Variants in DENND6A observed in about 807,000 individuals in gnomAD.
DENND6A encodes the protein DENN domain containing 6A.
In DENND6A, 43 loss-of-function variants were observed where a neutral mutation model predicts 95.5. The observed-to-expected ratio is 0.45, with a 90% CI of 0.35 to 0.58. The LOEUF (loss-of-function observed/expected upper bound fraction) is 0.58. Among genes scored for constraint, DENND6A ranks in the 20% least tolerant of loss-of-function variants. DENND6A has a pLI of 0.00. For synonymous variants in DENND6A, 257 were observed against 260.4 expected (o/e 0.99, Z 0.13); for missense variants, 574 against 736.0 (o/e 0.78, Z 2.55).
At chr3:57,660,036 GGTGCCTGAAGTTGT>G (rs2071393924) in intron 7 of DENND6A, among the ~76,000 whole-genome samples, 2 of 152,142 alleles carry the variant, frequency 1.3e-5, no homozygotes, top group East Asian at 3.8e-4. Context: ...TGAGATCAGA[GGTGCCTGAAGTTGT>G]GTGACTAATG....
chr3:57,672,914 G>A (rs970491386), intron 1 of DENND6A, among the ~76,000 whole-genome samples: 4 of 151,584 alleles, frequency 2.6e-5, no homozygotes, highest in Non-Finnish European at 4.4e-5. Context: ...TATACATAAT[G>A]GGATATTATT....
chr3:57,644,075 G>A (rs559634894), intron 11 of DENND6A, among the ~76,000 whole-genome samples: 1 of 151,434 alleles, frequency 6.6e-6, no homozygotes, highest in East Asian at 1.9e-4. Context: ...TCGTGAACCC[G>A]GGAGGCGGAG....
rs2070975990 is a variant in DENND6A, at chr3:57,642,761, TTGGGAAGGCCGAGG to T, written c.1038-1028_1038-1015del. On this transcript the variant is annotated intron_variant, in intron 11 of 19. Coordinates refer to ENST00000311128, the MANE Select transcript of DENND6A (RefSeq NM_152678.3). ...GGCTCACGCCTGTAATCCCAGCCCT[TTGGGAAGGCCGAGG>T]TGGGCAGATCACCTGAGGTCAGGAG... is the stretch of plus-strand genomic sequence containing the variant. Among the ~76,000 whole-genome samples, 5 of 151,990 alleles carry T rather than the reference TTGGGAAGGCCGAGG, an allele frequency of 3.3e-5. No individual in the cohort carries two copies. The East Asian group carries it at 9.7e-4, about 29-fold the overall frequency.
chr3:57,662,182 T>C (rs961092889), intron 5 of DENND6A, among the ~76,000 whole-genome samples: 5 of 122,252 alleles, frequency 4.1e-5, no homozygotes, highest in Middle Eastern at 3.9e-3. Flanking sequence ...TCTTTTCTTT[T>C]TTCTTTTTTT....
chr3:57,688,280 G>A (rs1357397476), intron 1 of DENND6A, among the ~76,000 whole-genome samples: 1 of 152,058 alleles, frequency 6.6e-6, no homozygotes, highest in Non-Finnish European at 1.5e-5. Flanking sequence ...ACAGGCATGA[G>A]CCACCACACT....
chr3:57,686,308 A>T (rs1284126999), intron 1 of DENND6A, among the ~76,000 whole-genome samples: 3 of 152,244 alleles, frequency 2.0e-5, no homozygotes. Context: ...AGTTTATATC[A>T]TAAAACCCAA....
At position 57,633,358 on chromosome 3, in the gene DENND6A, A is replaced by G. The variant is rs759643714; in HGVS notation, c.1264-4T>C. ...AAGGACGTTTCTGTTGTACACCCTT[A>G]AAAGAGGAAATAATGAGAATCTGTA... is the stretch of plus-strand genomic sequence containing the variant. On this transcript the variant is annotated splice_polypyrimidine_tract_variant and splice_region_variant and intron_variant, in intron 14 of 19. Coordinates refer to ENST00000311128, the MANE Select transcript of DENND6A (RefSeq NM_152678.3). The G allele has an allele frequency of 4.4e-6, 7 of 1,607,860 alleles. No individual in the cohort carries two copies. Among genetic ancestry groups the G allele is most frequent in the Non-Finnish European group, 6.0e-6 (7 of 1,176,388 alleles).
chr3:57,665,989 C>A, intron 4 of DENND6A, 134 bp downstream of exon 4: 1 of 579,192 alleles, frequency 1.7e-6, no homozygotes, highest in Non-Finnish European at 3.0e-6. Context: ...ATAAGACTCA[C>A]TTTGGAAATT....
intron 1 of DENND6A, among the ~76,000 whole-genome samples, chr3:57,689,174 C>A (rs1471197298): frequency 6.6e-6 from 1 of 151,828 alleles, no homozygotes; most frequent in African/African-American, 2.4e-5. Flanking sequence ...AGGGTGGTCT[C>A]GATCTCTTGA....
At chr3:57,671,307 G>A (rs935903911) in intron 3 of DENND6A, among the ~76,000 whole-genome samples, 20 of 152,090 alleles carry the variant, frequency 1.3e-4, no homozygotes, top group Admixed American at 2.0e-4. Flanking sequence ...GGCAGATCAC[G>A]AGGTCAAGAG....
intron 1 of DENND6A, among the ~76,000 whole-genome samples, chr3:57,687,387 G>C (rs1330230758): frequency 6.6e-6 from 1 of 152,200 alleles, no homozygotes; most frequent in Non-Finnish European, 1.5e-5. Context: ...AGAAAAGTTG[G>C]AAGCTAGCAG....
chr3:57,655,277 C>T (rs958474016), intron 9 of DENND6A, among the ~76,000 whole-genome samples: 3 of 152,206 alleles, frequency 2.0e-5, no homozygotes, highest in Non-Finnish European at 4.4e-5. Context: ...TCATGATCCG[C>T]CCGCCTCGGC....
chr3:57,682,624 T>C (rs2077176814), intron 1 of DENND6A, among the ~76,000 whole-genome samples: 2 of 152,176 alleles, frequency 1.3e-5, no homozygotes, highest in African/African-American at 2.4e-5. Flanking sequence ...AATTTTCACC[T>C]TCCACCAGAA....
At chr3:57,630,655 T>C (rs1242715511) in intron 17 of DENND6A, 60 bp downstream of exon 17, 13 of 1,563,028 alleles carry the variant, frequency 8.3e-6, no homozygotes, top group Middle Eastern at 1.7e-4. Context: ...AGTTTAGCTT[T>C]TTGTTTTGCT....
intron 18 of DENND6A, among the ~76,000 whole-genome samples, chr3:57,629,260 T>A (rs2070605332): frequency 6.6e-6 from 1 of 152,206 alleles, no homozygotes; most frequent in Non-Finnish European, 1.5e-5. Flanking sequence ...ATGAATTTAC[T>A]ACTGGATGTA....
chr3:57,677,819 A>G (rs1370835409), intron 1 of DENND6A, among the ~76,000 whole-genome samples: 1 of 152,116 alleles, frequency 6.6e-6, no homozygotes, highest in African/African-American at 2.4e-5. Context: ...TTAGATCTCA[A>G]CATTCTTCCT....
chr3:57,685,725 C>CA (rs2077205859), intron 1 of DENND6A, among the ~76,000 whole-genome samples: 2 of 151,964 alleles, frequency 1.3e-5, no homozygotes, highest in African/African-American at 4.8e-5. Context: ...CTTCAGCATT[C>CA]ATTCTTTTTT....
chr3:57,633,375 G>C, intron 14 of DENND6A, 21 bp from the exon 15 acceptor site: 1 of 1,578,286 alleles, frequency 6.3e-7, no homozygotes, highest in Non-Finnish European at 8.7e-7. Context: ...GAAATAATGA[G>C]AATCTGTATT....
chr3:57,666,289 C>T (rs918441403), intron 3 of DENND6A, 54 bp from the exon 4 acceptor site: 3 of 1,364,600 alleles, frequency 2.2e-6, no homozygotes, highest in East Asian at 2.4e-5. Flanking sequence ...AACATTTATC[C>T]AGTTTCATCA....
Sources: gnomAD v4.1 joint callset for allele counts (sites outside exome capture counted in the v4.1 genomes callset) on GRCh38, gnomAD v4.1.1 for gene constraint, MANE v1.5 for transcripts, NCBI Gene and HGNC (gene_info 2026-07-23, HGNC 2026-07-21) for gene names.